The following RPS6KA5 variants were observed in gnomAD, a reference collection of about 807,000 sequenced individuals.
The protein encoded by RPS6KA5 is ribosomal protein S6 kinase alpha-5.
Under a neutral mutation model 85.5 loss-of-function variants are expected in RPS6KA5, and 27 were observed. The ratio of observed to expected loss-of-function variants is 0.32; its 90% CI spans 0.23 to 0.44. The LOEUF (loss-of-function observed/expected upper bound fraction) is 0.44. Among genes scored for constraint, RPS6KA5 ranks in the 20% least tolerant of loss-of-function variants. The pLI, the probability that RPS6KA5 is intolerant of heterozygous loss-of-function variation, is 1.00. For missense variants in RPS6KA5, 811 were observed against 980.9 expected, an observed-to-expected ratio of 0.83 and a Z score of 2.31; for synonymous variants, 334 against 348.2, an observed-to-expected ratio of 0.96 and a Z score of 0.46.
At chr14:90,880,771 G>A (rs888760233) in intron 14 of RPS6KA5, among the ~76,000 whole-genome samples, 1 of 149,294 alleles carries the variant, frequency 6.7e-6, no homozygotes, top group Non-Finnish European at 1.5e-5. Context: ...ACATCTTCCT[G>A]TTGAATTGGA....
intron 3 of RPS6KA5, among the ~76,000 whole-genome samples, chr14:90,950,687 C>A: frequency 6.6e-6 from 1 of 152,316 alleles, no homozygotes; most frequent in Admixed American, 6.5e-5. Flanking sequence ...ATATATTAAA[C>A]TGATTGACTT....
rs143257802 is a variant in RPS6KA5 at position 90,881,268 on chromosome 14, T to A, written c.1837-5908A>T. Among the ~76,000 whole-genome samples, 242 of 151,432 alleles carry A rather than the reference T, an allele frequency of 1.6e-3. 1 individual carries two copies. The highest frequency in any genetic ancestry group is 5.5e-3 in the African/African-American group (229 of 41,394). ...GAGTTTGAGACCAGTGTGGCCAATA[T>A]GGCGAAACCCCATCTCTACTAAAAC... On this transcript the variant is annotated intron_variant, in intron 14 of 16. Transcript: ENST00000614987.
intron 7 of RPS6KA5, among the ~76,000 whole-genome samples, chr14:90,919,852 A>G (rs976659480): frequency 6.6e-6 from 1 of 152,206 alleles, no homozygotes; most frequent in Non-Finnish European, 1.5e-5. Context: ...TTAAAGTCAC[A>G]AAGAAATAAA....
At chr14:90,914,551 G>T (rs2036010150) in intron 7 of RPS6KA5, among the ~76,000 whole-genome samples, 1 of 151,956 alleles carries the variant, frequency 6.6e-6, no homozygotes, top group Non-Finnish European at 1.5e-5. Context: ...TTGACTTCAG[G>T]TGATCCACCT....
In RPS6KA5 at chr14:90,848,796, C is replaced by A. The variant is rs1054098088; in HGVS notation, c.*23278G>T. 4.6e-5 allele frequency: 7 copies of A among 152,106 alleles called. No individual in the cohort carries two copies. The highest frequency in any genetic ancestry group is 1.7e-4 in the African/African-American group (7 of 41,424). The allele number at this position is 152,106 out of a possible 1,614,324, so 9.4% of individuals were successfully genotyped here. A position where few individuals can be genotyped will look rare whatever the true frequency, so the allele number is the denominator to read the frequency against. On this transcript the variant is annotated 3_prime_UTR_variant, in exon 17 of 17. Coordinates refer to ENST00000614987, the MANE Select transcript of RPS6KA5 (RefSeq NM_004755.4). ...TTGCCATCCAAATTGATGTTTACAC[C>A]AAAATAAGAAGAAATCATCTACTCC...
intron 1 of RPS6KA5, 82 bp from the exon 2 acceptor site, chr14:91,001,241 C>T (rs1003924464): frequency 6.2e-5 from 49 of 796,264 alleles, no homozygotes; most frequent in South Asian, 2.0e-4. Context: ...GTACCAGCGA[C>T]GCTCTATTTC....
At chr14:90,965,972 G>A (rs1405555381) in intron 3 of RPS6KA5, among the ~76,000 whole-genome samples, 1 of 152,170 alleles carries the variant, frequency 6.6e-6, no homozygotes, top group Non-Finnish European at 1.5e-5. Flanking sequence ...GGTCTTAGAG[G>A]TGCAACTGGT....
rs1253408285 is a variant in RPS6KA5 at position 90,899,372 on chromosome 14, C to T, written c.1430G>A (p.Gly477Glu). ...ATGCAACTTCACAATATTGGGGTGT[C>T]CTTCACAGAGTTTCAGAGCTGTTAT... is the stretch of plus-strand genomic sequence containing the variant. ...KEITALKLCE[G>E]HPNIVKLHEV... Residue 477 changes from glycine (G) to glutamate (E), a missense_variant, in exon 12 of 17, where the codon GGA (glycine) becomes GAA (glutamate). Gly to Glu is a moderately conservative substitution (Grantham distance 98). This residue lies in a region of RPS6KA5 where 650 missense variants were observed against 793.4 expected (regional missense o/e 0.82). Coordinates refer to ENST00000614987, the MANE Select transcript of RPS6KA5 (RefSeq NM_004755.4). The T allele has an allele frequency of 6.2e-7, 1 of 1,612,560 alleles. No homozygotes were observed. Among genetic ancestry groups the T allele is most frequent in the East Asian group, 2.2e-5 (1 of 44,832 alleles).
chr14:90,939,928 A>G (rs1404492586), intron 5 of RPS6KA5, among the ~76,000 whole-genome samples: 1 of 152,234 alleles, frequency 6.6e-6, no homozygotes, highest in East Asian at 1.9e-4. Flanking sequence ...CATGGAAACC[A>G]AAAAGGAATG....
chr14:90,877,350 T>C (rs192242015), intron 14 of RPS6KA5, among the ~76,000 whole-genome samples: 18 of 152,322 alleles, frequency 1.2e-4, no homozygotes, highest in African/African-American at 3.8e-4. Flanking sequence ...AAATCCTTGA[T>C]GTAGCTTGAA....
intron 1 of RPS6KA5, among the ~76,000 whole-genome samples, chr14:91,010,812 A>G (rs115375799): frequency 0.018 from 2,748 of 152,260 alleles, 64 homozygotes; most frequent in African/African-American, 0.064. Context: ...TAGAGATGGG[A>G]GGGTGGTTCC....
intron 12 of RPS6KA5, among the ~76,000 whole-genome samples, chr14:90,895,759 G>A (rs117620490): frequency 0.051 from 7,705 of 152,030 alleles, 301 homozygotes; most frequent in Non-Finnish European, 0.08. Context: ...ACATGGTGGC[G>A]CACGCCTACA....
intron 1 of RPS6KA5, among the ~76,000 whole-genome samples, chr14:91,030,262 G>A (rs1357092449): frequency 6.6e-6 from 1 of 152,146 alleles, no homozygotes; most frequent in African/African-American, 2.4e-5. Flanking sequence ...CCTGGGAGAA[G>A]AACCAGATTT....
At chr14:90,982,905 A>T (rs2039858808) in intron 2 of RPS6KA5, among the ~76,000 whole-genome samples, 1 of 152,154 alleles carries the variant, frequency 6.6e-6, no homozygotes, top group Non-Finnish European at 1.5e-5. Context: ...TGAGGTCAGG[A>T]GATGGAGACC....
chr14:90,899,408 G>T lies in RPS6KA5; in HGVS notation c.1394C>A (p.Thr465Asn). 6.2e-7 allele frequency: 1 copy of T among 1,612,780 alleles called. No individual in the cohort carries two copies. Among genetic ancestry groups the T allele is most frequent in the Admixed American group, 1.7e-5 (1 of 59,954 alleles). Residue 465 changes from threonine to asparagine, a missense_variant, in exon 12 of 17, where the codon ACT (threonine) becomes AAT (asparagine). Physicochemically the swap from Thr to Asn is moderately conservative, Grantham distance 65. This residue lies in a region of RPS6KA5 where 650 missense variants were observed against 793.4 expected (regional missense o/e 0.82). Transcript: ENST00000614987. ...KIISKRMEANTQKEITALKLC... is the reference protein window; with the variant it reads ...KIISKRMEANNQKEITALKLC... ...TTTCAGAGCTGTTATTTCCTTTTGA[G>T]TATTGGCTTCCATCCTGCAAGATGA...
intron 1 of RPS6KA5, among the ~76,000 whole-genome samples, chr14:91,010,910 T>A (rs2041229404): frequency 1.3e-5 from 2 of 152,112 alleles, no homozygotes. Context: ...GAAGGATATG[T>A]TAAGGTGTCA....
At position 90,873,701 on chromosome 14, in the gene RPS6KA5, A is replaced by C. The variant is rs774683979; in HGVS notation, c.2091T>G (p.Pro697=). Residue 697 remains proline (P), a synonymous_variant, in exon 16 of 17, where the codon CCT becomes CCG. Transcript: ENST00000614987. ...LQDGSQLSSN[P]LMTPDILGSS... is the part of the protein sequence containing the mutation. ...ATCCTAGAATATCCGGAGTCATCAG[A>C]GGATTGGAGGACAGCTGACTTCCAT... 1.3e-5 allele frequency: 21 copies of C among 1,614,032 alleles called. No individual in the cohort carries two copies. In the South Asian group the frequency reaches 1.8e-4, roughly 14 times the overall value.
chr14:90,947,008 T>A (rs1366637817), intron 4 of RPS6KA5, among the ~76,000 whole-genome samples: 1 of 152,010 alleles, frequency 6.6e-6, no homozygotes, highest in South Asian at 2.1e-4. Context: ...AGAGTGCGAG[T>A]GGGAAATAAC....
intron 2 of RPS6KA5, among the ~76,000 whole-genome samples, chr14:90,997,145 C>A (rs1286152): frequency 0.81 from 123,444 of 152,150 alleles, 50,697 homozygotes; most frequent in East Asian, 0.96. Flanking sequence ...AAAAGGAAGA[C>A]GACCATTCAG....
Sources: allele counts gnomAD v4.1 joint callset (sites outside exome capture counted in the v4.1 genomes callset), GRCh38; gene constraint gnomAD v4.1.1; regional missense constraint gnomAD v4.1.1; transcripts MANE v1.5; gene names NCBI Gene and HGNC (gene_info 2026-07-23, HGNC 2026-07-21).